Variants in ZFHX3 observed in about 807,000 individuals in gnomAD.
ZFHX3 encodes the protein zinc finger homeobox 3, also known as zinc finger homeobox protein 3.
In ZFHX3, 42 loss-of-function variants were observed where a neutral mutation model predicts 279.1. The observed-to-expected ratio is 0.15, with a 90% CI of 0.12 to 0.19. The LOEUF is 0.19. ZFHX3 is among the 10% of genes least tolerant of loss of function. The pLI is 1.00. For missense variants in ZFHX3, 4,981 were observed against 4,754.0 expected, an observed-to-expected ratio of 1.05 and a Z score of -1.40; for synonymous variants, 2,293 against 1,957.8, an observed-to-expected ratio of 1.17 and a Z score of -4.52.
intron 1 of ZFHX3, chr16:73,005,683 G>C (rs568958859): frequency 6.6e-6 from 1 of 152,244 alleles, no homozygotes; most frequent in Admixed American, 6.5e-5. Context: ...CCAGCTACTC[G>C]GGAGGCTGAG....
chr16:73,695,165 T>C (rs144636634), intron 1 of ZFHX3, among the ~76,000 whole-genome samples: 2 of 152,304 alleles, frequency 1.3e-5, no homozygotes, highest in East Asian at 3.9e-4. Flanking sequence ...AAGAGCCCTT[T>C]TAGCCAAATA....
intron 1 of ZFHX3, among the ~76,000 whole-genome samples, chr16:73,865,793 C>T (rs1962000982): frequency 6.6e-6 from 1 of 150,698 alleles, no homozygotes; most frequent in African/African-American, 2.5e-5. Context: ...TCCTGGCTAA[C>T]ATGGTAAAAC....
chr16:73,495,031 A>C (rs1597357751), intron 2 of ZFHX3, among the ~76,000 whole-genome samples: 2 of 152,316 alleles, frequency 1.3e-5, no homozygotes, highest in Admixed American at 1.3e-4. Context: ...GCAGGGGAGG[A>C]AACAGCATAA....
At chr16:73,044,107 C>T (rs1312623710) in intron 1 of ZFHX3, among the ~76,000 whole-genome samples, 1 of 151,250 alleles carries the variant, frequency 6.6e-6, no homozygotes, top group Non-Finnish European at 1.5e-5. Context: ...AATTCCCTTG[C>T]CTAGATTCTA....
At chr16:73,120,063 T>C (rs901513455) in intron 7 of ZFHX3, among the ~76,000 whole-genome samples, 5 of 152,200 alleles carry the variant, frequency 3.3e-5, no homozygotes, top group African/African-American at 1.2e-4. Flanking sequence ...AGTTCCTCTG[T>C]GCTCAATTTC....
At chr16:73,248,900 TA>T (rs151273840) in intron 5 of ZFHX3, among the ~76,000 whole-genome samples, 3,021 of 152,224 alleles carry the variant, frequency 0.02, 91 homozygotes, top group African/African-American at 0.061. Flanking sequence ...TTTAAGACCC[TA>T]AAAAAACTGT....
At chr16:73,752,949 A>T (rs1185942473) in intron 1 of ZFHX3, among the ~76,000 whole-genome samples, 2 of 152,178 alleles carry the variant, frequency 1.3e-5, no homozygotes, top group Admixed American at 6.5e-5. Context: ...TTATCTGAGA[A>T]TTTGCATACT....
rs535351004 is a variant in ZFHX3 at position 73,009,936 on chromosome 16, A to T, written c.-50+37816T>A. ...TTCAGGAGGCTGAGGCAGGAGAATC[A>T]TTTGAACTCAGGAAGCAGAGGTTGC... On this transcript the variant is annotated intron_variant, in intron 1 of 9. Transcript: ENST00000268489. Among the ~76,000 whole-genome samples, 4 of 150,846 alleles carry T rather than the reference A, an allele frequency of 2.7e-5. No individual in the cohort carries two copies. The East Asian group carries it at 8.0e-4, about 30-fold the overall frequency.
At chr16:73,185,636 T>G (rs1967892537) in intron 5 of ZFHX3, among the ~76,000 whole-genome samples, 1 of 152,182 alleles carries the variant, frequency 6.6e-6, no homozygotes, top group South Asian at 2.1e-4. Flanking sequence ...TGACTCCCAG[T>G]TAAATTTGAA....
intron 1 of ZFHX3, among the ~76,000 whole-genome samples, chr16:73,811,506 G>A (rs555069391): frequency 3.4e-5 from 5 of 147,560 alleles, no homozygotes; most frequent in East Asian, 4.0e-4. Flanking sequence ...TGGCAGTGGC[G>A]TGATCTCAGC....
At chr16:73,505,980 A>C (rs2019319466) in intron 2 of ZFHX3, among the ~76,000 whole-genome samples, 1 of 152,212 alleles carries the variant, frequency 6.6e-6, no homozygotes, top group Admixed American at 6.5e-5. Flanking sequence ...CCTGTTGAAC[A>C]GTGGGTTTGG....
chr16:73,494,210 G>A (rs2143651590), intron 2 of ZFHX3, among the ~76,000 whole-genome samples: 1 of 152,292 alleles, frequency 6.6e-6, no homozygotes, highest in Non-Finnish European at 1.5e-5. Context: ...GTCCCTAAGT[G>A]GCGATTTGTG....
At chr16:73,258,341 AT>A (rs200764755) in intron 4 of ZFHX3, among the ~76,000 whole-genome samples, 40,429 of 148,106 alleles carry the variant, frequency 0.27, 5,935 homozygotes, top group Middle Eastern at 0.46. Context: ...GCTATGACAT[AT>A]ATATATATAT....
At chr16:72,937,153 G>C (rs373989026) in intron 3 of ZFHX3, among the ~76,000 whole-genome samples, 1 of 152,088 alleles carries the variant, frequency 6.6e-6, no homozygotes, top group Non-Finnish European at 1.5e-5. Context: ...TCAGACATTC[G>C]AATGCAAATG....
intron 2 of ZFHX3, among the ~76,000 whole-genome samples, chr16:73,644,288 T>C (rs2052598829): frequency 6.6e-6 from 1 of 151,984 alleles, no homozygotes; most frequent in Admixed American, 6.5e-5. Flanking sequence ...TCCCTTTGGT[T>C]ATCTCCCAGC....
intron 2 of ZFHX3, among the ~76,000 whole-genome samples, chr16:73,634,433 A>ATTATATATATATATATAT (rs1197229737): frequency 5.0e-5 from 3 of 59,906 alleles, no homozygotes; most frequent in African/African-American, 1.3e-4. Flanking sequence ...TATTATGTAT[A>ATTATATATATATATATAT]ATATATATAT....
At chr16:72,832,128 C>A (rs2037074902) in intron 4 of ZFHX3, among the ~76,000 whole-genome samples, 1 of 152,146 alleles carries the variant, frequency 6.6e-6, no homozygotes, top group African/African-American at 2.4e-5. Flanking sequence ...GCTCAGCAGA[C>A]ATGGGAAGGG....
At chr16:72,906,252 GAGA>G (rs1165260000) in intron 3 of ZFHX3, among the ~76,000 whole-genome samples, 1 of 151,914 alleles carries the variant, frequency 6.6e-6, no homozygotes, top group African/African-American at 2.4e-5. Context: ...AAAATACAGG[GAGA>G]ATTTTCACCA....
rs540702138 is a variant in ZFHX3 at position 73,489,181 on chromosome 16, G to C, written c.-1546-32923C>G. On this transcript the variant is annotated intron_variant, in intron 2 of 17. Transcript: ENST00000641206. Reference sequence around the variant, plus strand: ...TAGGGAAAATGCCCTCTTGATCCCAGCATTTGAATCTGGGAGGGAGAGAAG... The same window carrying C: ...TAGGGAAAATGCCCTCTTGATCCCACCATTTGAATCTGGGAGGGAGAGAAG... Among the ~76,000 whole-genome samples, 18 of 152,280 alleles carry C rather than the reference G, an allele frequency of 1.2e-4. No individual in the cohort carries two copies. In the East Asian group the frequency reaches 2.7e-3, roughly 23 times the overall value.
Sources: gnomAD v4.1 joint callset for allele counts (sites outside exome capture counted in the v4.1 genomes callset) on GRCh38, gnomAD v4.1.1 for gene constraint, MANE v1.5 for transcripts, NCBI Gene and HGNC (gene_info 2026-07-23, HGNC 2026-07-21) for gene names.